The following C9orf43 variants were observed in gnomAD, a reference collection of about 807,000 sequenced individuals.
C9orf43 encodes the protein uncharacterized protein C9orf43.
C9orf43 carries 45 observed loss-of-function variants against 59.1 expected under a neutral mutation model. The ratio of observed to expected loss-of-function variants is 0.76; its 90% CI spans 0.60 to 0.98. The LOEUF is 0.98. Ranked by LOEUF, C9orf43 falls within the 50% of genes least tolerant of loss-of-function variation. The pLI is 0.00. For synonymous variants in C9orf43, 203 were observed against 196.8 expected (o/e 1.03, Z -0.26); for missense variants, 533 against 554.9 (o/e 0.96, Z 0.40).
Position 113,425,365 on chromosome 9 carries a change from G to GACA in C9orf43, c.887_888insACA (p.Gln304dup), listed in dbSNP as rs527300639. 4.3e-6 allele frequency: 7 copies of GACA among 1,612,420 alleles called. No individual in the cohort carries two copies. The African/African-American group carries it at 9.4e-5, about 22-fold the overall frequency. On this transcript the variant is annotated inframe_insertion, in exon 10 of 14. Transcript: ENST00000374165. ...CCAGGTTACAGGAAACAGCAGCAGC[G>GACA]GCAGCAGCAGCAGCAGCAGCAACAG...
chr9:113,412,607 G>A (rs1828211104), intron 1 of C9orf43, among the ~76,000 whole-genome samples: 1 of 152,222 alleles, frequency 6.6e-6, no homozygotes, highest in South Asian at 2.1e-4. Flanking sequence ...CACCTCCCAT[G>A]AATAAAAGTA....
chr9:113,423,450 T>G lies in C9orf43; in HGVS notation c.608T>G (p.Leu203Arg). Residue 203 changes from leucine to arginine, a missense_variant, in exon 7 of 14, where the codon CTA (leucine) becomes CGA (arginine). Leu to Arg is a moderately radical substitution (Grantham distance 102, BLOSUM62 -2). Coordinates refer to ENST00000374165, the MANE Select transcript of C9orf43 (RefSeq NM_001278629.2). ...TCTGAACAATTCAGTTCAGATTTCC[T>G]ACCTCTCTGGGCTCAATCCGAAGCG... Reference protein sequence around the residue: ...QLSEQFSSDFLPLWAQSEALP... With the variant: ...QLSEQFSSDFRPLWAQSEALP... The G allele has an allele frequency of 6.2e-7, 1 of 1,614,108 alleles. No individual in the cohort carries two copies. Among genetic ancestry groups the G allele is most frequent in the South Asian group, 1.1e-5 (1 of 91,080 alleles).
At chr9:113,426,373 A>G (rs1032969636) in intron 11 of C9orf43, among the ~76,000 whole-genome samples, 4 of 152,078 alleles carry the variant, frequency 2.6e-5, no homozygotes, top group Non-Finnish European at 4.4e-5. Flanking sequence ...TCCCTCCAAA[A>G]TTTTTCAACT....
intron 3 of C9orf43, among the ~76,000 whole-genome samples, chr9:113,416,185 C>A (rs1244321825): frequency 6.6e-6 from 1 of 152,214 alleles, no homozygotes; most frequent in Non-Finnish European, 1.5e-5. Context: ...GAACTGGTTT[C>A]CCTGCCTTTT....
At chr9:113,427,847 T>C (rs562922636) in intron 11 of C9orf43, among the ~76,000 whole-genome samples, 19 of 152,356 alleles carry the variant, frequency 1.2e-4, no homozygotes, top group Admixed American at 1.2e-3. Flanking sequence ...ATGAGTCACA[T>C]TCTGGTAAGA....
chr9:113,425,229 C>G, intron 9 of C9orf43, 115 bp from the exon 10 acceptor site: 19 of 1,507,966 alleles, frequency 1.3e-5, no homozygotes, highest in Non-Finnish European at 1.7e-5. Flanking sequence ...AGGAAGCAGC[C>G]CCTCTGGCTT....
At chr9:113,414,104 G>A (rs560299539) in intron 3 of C9orf43, among the ~76,000 whole-genome samples, 17 of 152,202 alleles carry the variant, frequency 1.1e-4, no homozygotes, top group African/African-American at 3.9e-4. Flanking sequence ...ATATTGGTTC[G>A]GTAGGGCTGT....
intron 1 of C9orf43, 49 bp from the exon 2 acceptor site, chr9:113,413,396 T>C: frequency 6.8e-7 from 1 of 1,463,046 alleles, no homozygotes; most frequent in Non-Finnish European, 9.1e-7. Flanking sequence ...ATCTGGACTG[T>C]ATGGCTAATG....
At chr9:113,412,686 A>T (rs1191303344) in intron 1 of C9orf43, among the ~76,000 whole-genome samples, 1 of 152,122 alleles carries the variant, frequency 6.6e-6, no homozygotes, top group East Asian at 1.9e-4. Context: ...GTTATTTATT[A>T]TTTTTTGTGG....
intron 3 of C9orf43, among the ~76,000 whole-genome samples, chr9:113,416,441 G>A (rs1828361361): frequency 6.6e-6 from 1 of 152,148 alleles, no homozygotes; most frequent in East Asian, 1.9e-4. Context: ...TTTCTGTCAT[G>A]CAGTTTCCTA....
At chr9:113,422,495 T>G (rs1828616151) in intron 5 of C9orf43, 54 bp from the exon 6 acceptor site, 1 of 1,605,974 alleles carries the variant, frequency 6.2e-7, no homozygotes, top group African/African-American at 1.3e-5. Flanking sequence ...TTACTCTTAT[T>G]TCAAGTCCAG....
intron 3 of C9orf43, among the ~76,000 whole-genome samples, chr9:113,417,979 T>G (rs932215793): frequency 3.3e-5 from 5 of 152,238 alleles, no homozygotes; most frequent in Non-Finnish European, 5.9e-5. Flanking sequence ...ATTCATTCAT[T>G]CATGCATGTA....
chr9:113,418,621 C>T (rs537331125), intron 3 of C9orf43, among the ~76,000 whole-genome samples: 1 of 152,192 alleles, frequency 6.6e-6, no homozygotes, highest in Non-Finnish European at 1.5e-5. Flanking sequence ...CTCTCTCTCT[C>T]TCAAAATACC....
Position 113,425,691 on chromosome 9 carries a change from C to A in C9orf43, c.991C>A (p.His331Asn), listed in dbSNP as rs745638713. Residue 331 changes from histidine to asparagine, a missense_variant, in exon 11 of 14, where the codon CAT becomes AAT. By Grantham distance (68) the His-to-Asn change is moderately conservative. Coordinates refer to ENST00000374165, the MANE Select transcript of C9orf43 (RefSeq NM_001278629.2). ...KSDPGIQSTSHKHPVTTVHDR... is the reference protein window; with the variant it reads ...KSDPGIQSTSNKHPVTTVHDR... ...TGATCCAGGGATCCAGAGCACTTCACATAAACATCCAGTTACCACCGTTCA... is the reference window on the plus strand; with the variant it reads ...TGATCCAGGGATCCAGAGCACTTCAAATAAACATCCAGTTACCACCGTTCA... 1.2e-6 allele frequency: 2 copies of A among 1,614,038 alleles called. No homozygotes were observed. The highest frequency in any genetic ancestry group is 8.5e-7 in the Non-Finnish European group (1 of 1,179,966).
intron 13 of C9orf43, 89 bp from the exon 14 acceptor site, chr9:113,429,082 TA>T: frequency 6.6e-7 from 1 of 1,523,758 alleles, no homozygotes; most frequent in Non-Finnish European, 9.1e-7. Context: ...AGAGAAGTCC[TA>T]AAAACACCCC....
intron 1 of C9orf43, among the ~76,000 whole-genome samples, chr9:113,412,874 A>G (rs368804035): frequency 7.2e-5 from 11 of 152,334 alleles, no homozygotes; most frequent in East Asian, 1.9e-4. Context: ...GTGATTTGCT[A>G]TTTGAGCAAA....
rs867205297 is a variant in C9orf43 at position 113,423,567 on chromosome 9, A to G, written c.656+69A>G. On this transcript the variant is annotated intron_variant, in intron 7 of 13. Coordinates refer to ENST00000374165, the MANE Select transcript of C9orf43 (RefSeq NM_001278629.2). ...TTTACTGAAGCTGGGATGGGTCTAA[A>G]CAGTGTGCTTTTTCTGAGTAGGACT... The G allele has an allele frequency of 9.1e-5, 134 of 1,465,430 alleles. No homozygotes were observed. The Middle Eastern group carries it at 1.4e-3, about 15-fold the overall frequency. 90.8% of individuals were successfully genotyped at this position (1,465,430 alleles called of 1,614,324 possible).
chr9:113,424,463 G>T, intron 8 of C9orf43, 147 bp downstream of exon 8: 1 of 743,342 alleles, frequency 1.3e-6, no homozygotes, highest in Non-Finnish European at 2.1e-6. Context: ...TGGGCTCTAT[G>T]TATGTAAAAG....
chr9:113,411,323 A>G (rs965364647), intron 1 of C9orf43, among the ~76,000 whole-genome samples: 1 of 148,234 alleles, frequency 6.7e-6, no homozygotes, highest in African/African-American at 2.5e-5. Flanking sequence ...TTTTTGAGAC[A>G]GTCTCACTCT....
Sources: allele counts gnomAD v4.1 joint callset (sites outside exome capture counted in the v4.1 genomes callset), GRCh38; gene constraint gnomAD v4.1.1; transcripts MANE v1.5; gene names NCBI Gene and HGNC (gene_info 2026-07-23, HGNC 2026-07-21).